Variants in CLEC4E observed in about 807,000 individuals in gnomAD.
The protein encoded by CLEC4E is C-type lectin domain family 4 member E, also known as C-type (calcium dependent, carbohydrate-recognition domain) lectin, superfamily member 9.
In CLEC4E, 21 loss-of-function variants were observed where a neutral mutation model predicts 24.7. That is an observed-to-expected ratio of 0.85 (90% CI 0.60 to 1.22). The LOEUF (loss-of-function observed/expected upper bound fraction) is 1.22. CLEC4E is among the 50% of genes most tolerant of loss of function. The probability of loss-of-function intolerance (pLI) is 0.00; values close to 1 mark genes in which losing one functional copy is unlikely to be tolerated. For missense variants in CLEC4E, 249 were observed against 254.1 expected, an observed-to-expected ratio of 0.98 and a Z score of 0.14; for synonymous variants, 94 against 85.7, an observed-to-expected ratio of 1.10 and a Z score of -0.54.
At position 8,539,703 on chromosome 12, in the gene CLEC4E, T is replaced by A. The variant is rs1390219286; in HGVS notation, c.130+152A>T. The A allele has an allele frequency of 9.3e-6, 6 of 643,940 alleles. No individual in the cohort carries two copies. In the African/African-American group the frequency reaches 1.1e-4, roughly 12 times the overall value. 39.9% of individuals were successfully genotyped at this position (643,940 alleles called of 1,614,324 possible). A position where few individuals can be genotyped will look rare whatever the true frequency, so the allele number is the denominator to read the frequency against. Reference sequence around the variant, plus strand: ...GTTCCCTGCTTGTTGAGGTTTCTGGTTTGAGAAATAACCTAGAGATTAATA... The same window carrying A: ...GTTCCCTGCTTGTTGAGGTTTCTGGATTGAGAAATAACCTAGAGATTAATA... On this transcript the variant is annotated intron_variant, in intron 2 of 5. Coordinates refer to ENST00000299663, the MANE Select transcript of CLEC4E (RefSeq NM_014358.4).
chr12:8,539,906 C>A lies in CLEC4E; in HGVS notation c.79G>T (p.Ala27Ser), dbSNP rs1018548251. 1.2e-6 allele frequency: 2 copies of A among 1,612,584 alleles called. No homozygotes were observed. The highest frequency in any genetic ancestry group is 2.7e-5 in the African/African-American group (2 of 74,882). ...CTGAGAAATAGGATGGGGATCCCAGCAACAGTCCATAAGAACATTTGGGAA... is the reference window on the plus strand; with the variant it reads ...CTGAGAAATAGGATGGGGATCCCAGAAACAGTCCATAAGAACATTTGGGAA... Reference protein sequence around the residue: ...FSSQMFLWTVAGIPILFLSAC... With the variant: ...FSSQMFLWTVSGIPILFLSAC... Residue 27 changes from alanine (A) to serine (S), a missense_variant, in exon 2 of 6, where the codon GCT becomes TCT. By Grantham distance (99) the Ala-to-Ser change is moderately conservative (BLOSUM62 1). Transcript: ENST00000299663.
chr12:8,536,331 G>A, intron 4 of CLEC4E, 126 bp from the exon 5 acceptor site: 1 of 508,994 alleles, frequency 2.0e-6, no homozygotes, highest in Non-Finnish European at 3.7e-6. Flanking sequence ...CGAGGCGGGT[G>A]GATCACCTGA....
At chr12:8,536,477 G>C (rs1940616708) in intron 4 of CLEC4E, among the ~76,000 whole-genome samples, 1 of 152,118 alleles carries the variant, frequency 6.6e-6, no homozygotes, top group Non-Finnish European at 1.5e-5. Context: ...AGAATCGCTT[G>C]AACCTGGGAG....
chr12:8,535,854 C>T (rs925481688), intron 5 of CLEC4E, among the ~76,000 whole-genome samples: 17 of 152,148 alleles, frequency 1.1e-4, no homozygotes, highest in African/African-American at 4.1e-4. Context: ...TTCCACCTCT[C>T]GTCTCTTTTG....
chr12:8,535,246 C>G (rs963262824), intron 5 of CLEC4E, among the ~76,000 whole-genome samples: 18 of 152,180 alleles, frequency 1.2e-4, no homozygotes, highest in African/African-American at 4.3e-4. Context: ...AGCAGCATTT[C>G]TAACATGTCA....
intron 3 of CLEC4E, among the ~76,000 whole-genome samples, chr12:8,537,926 A>G (rs1395083521): frequency 6.6e-6 from 1 of 152,262 alleles, no homozygotes; most frequent in Non-Finnish European, 1.5e-5. Context: ...CTGAGGGGAC[A>G]TAGTGAGGTG....
chr12:8,537,594 A>G (rs1463777989), intron 3 of CLEC4E, among the ~76,000 whole-genome samples: 1 of 152,172 alleles, frequency 6.6e-6, no homozygotes, highest in Non-Finnish European at 1.5e-5. Flanking sequence ...TATGCATTTT[A>G]TTTGGGTGAC....
chr12:8,537,279 A>G lies in CLEC4E; in HGVS notation c.221-13T>C, dbSNP rs750000174. ...TTCTTGACTGAACCTAGGATGAGAG[A>G]TGTTTCAGTGAGTGTCCCAGGTGAA... is the stretch of plus-strand genomic sequence containing the variant. On this transcript the variant is annotated splice_polypyrimidine_tract_variant and intron_variant, in intron 3 of 5. Coordinates refer to ENST00000299663, the MANE Select transcript of CLEC4E (RefSeq NM_014358.4). 11 of 1,610,446 alleles carry G rather than the reference A, an allele frequency of 6.8e-6. No individual in the cohort carries two copies. The highest frequency in any genetic ancestry group is 1.3e-5 in the African/African-American group (1 of 74,872).
chr12:8,533,904 G>A lies in CLEC4E; in HGVS notation c.*734C>T, dbSNP rs1367483835. On this transcript the variant is annotated 3_prime_UTR_variant, in exon 6 of 6. Transcript: ENST00000299663. The stretch of plus-strand genomic sequence containing the variant: ...CAGGAAAGTGTGGAGATGAATGTTC[G>A]CTTAGAATAAATTGACTATTGGACT... The A allele has an allele frequency of 2.0e-5, 3 of 152,160 alleles. No individual in the cohort carries two copies. Among genetic ancestry groups the A allele is most frequent in the South Asian group, 2.1e-4 (1 of 4,834 alleles). 9.4% of individuals were successfully genotyped at this position (152,160 alleles called of 1,614,324 possible).
At chr12:8,536,012 ACCACCAATAATGGAC>A in intron 5 of CLEC4E, 63 bp downstream of exon 5, 1 of 814,170 alleles carries the variant, frequency 1.2e-6, no homozygotes, top group Non-Finnish European at 2.1e-6. Flanking sequence ...ATTTAATACC[ACCACCAATAATGGAC>A]CTGATCTATT....
intron 2 of CLEC4E, 25 bp from the exon 3 acceptor site, chr12:8,539,331 T>G: frequency 6.8e-7 from 1 of 1,477,560 alleles, no homozygotes; most frequent in Non-Finnish European, 9.4e-7. Context: ...GCATAATGTT[T>G]GTTAGTCTTA....
chr12:8,540,708 C>T, intron 1 of CLEC4E, 53 bp downstream of exon 1: 1 of 1,495,570 alleles, frequency 6.7e-7, no homozygotes, highest in Non-Finnish European at 9.3e-7. Context: ...CCATATTTAT[C>T]ACTTGTTCCA....
chr12:8,535,434 A>G (rs1254949063), intron 5 of CLEC4E, among the ~76,000 whole-genome samples: 1 of 152,250 alleles, frequency 6.6e-6, no homozygotes, highest in African/African-American at 2.4e-5. Context: ...ATGCTCTATC[A>G]GGAAGAATAC....
At chr12:8,535,339 TA>T (rs1940597864) in intron 5 of CLEC4E, among the ~76,000 whole-genome samples, 1 of 152,154 alleles carries the variant, frequency 6.6e-6, no homozygotes, top group African/African-American at 2.4e-5. Flanking sequence ...AAATGCTAAA[TA>T]AAGATTAATA....
At chr12:8,537,409 T>G in intron 3 of CLEC4E, 143 bp from the exon 4 acceptor site, 3 of 623,812 alleles carry the variant, frequency 4.8e-6, no homozygotes, top group Non-Finnish European at 8.0e-6. Context: ...ATCTAAGACT[T>G]TAGATAATTC....
chr12:8,537,775 A>G (rs1435375759), intron 3 of CLEC4E, among the ~76,000 whole-genome samples: 3 of 152,252 alleles, frequency 2.0e-5, no homozygotes, highest in African/African-American at 7.2e-5. Flanking sequence ...GAATAGTTAT[A>G]CCAGATATAG....
Position 8,540,835 on chromosome 12 carries a change from CTTTT to C in CLEC4E, c.-42_-39del, listed in dbSNP as rs764921247. The C allele has an allele frequency of 1.6e-5, 21 of 1,323,452 alleles. No homozygotes were observed. Among genetic ancestry groups the C allele is most frequent in the Middle Eastern group, 2.0e-4 (1 of 5,112 alleles). The allele number at this position is 1,323,452 out of a possible 1,614,324, so 82.0% of individuals were successfully genotyped here. A position where few individuals can be genotyped will look rare whatever the true frequency, so the allele number is the denominator to read the frequency against. ...TTTGGTTTTTTGTTTCTCTCTCTCT[CTTTT>C]TCTCTCCCTCCCTCTCTTTCTTTCT... On this transcript the variant is annotated 5_prime_UTR_variant, in exon 1 of 6. Transcript: ENST00000299663.
chr12:8,540,248 T>A (rs1312390206), intron 1 of CLEC4E, among the ~76,000 whole-genome samples: 2 of 152,224 alleles, frequency 1.3e-5, no homozygotes, highest in Non-Finnish European at 2.9e-5. Flanking sequence ...AGACTCTGAC[T>A]CATGAACTCA....
rs745861394 is a variant in CLEC4E, at chr12:8,534,824, C to A, written c.489-15G>T. ...CATCCCAGAAGCTGAAAAAGAATGA[C>A]ATAGGAGACTTAAAATCCCAGCAAA... On this transcript the variant is annotated splice_polypyrimidine_tract_variant and intron_variant, in intron 5 of 5. Coordinates refer to ENST00000299663, the MANE Select transcript of CLEC4E (RefSeq NM_014358.4). The A allele has an allele frequency of 1.1e-5, 17 of 1,596,800 alleles. No homozygotes were observed. The highest frequency in any genetic ancestry group is 1.3e-5 in the Non-Finnish European group (15 of 1,174,078).
Sources: allele counts gnomAD v4.1 joint callset (sites outside exome capture counted in the v4.1 genomes callset), GRCh38; gene constraint gnomAD v4.1.1; transcripts MANE v1.5; gene names NCBI Gene and HGNC (gene_info 2026-07-23, HGNC 2026-07-21).